ADAM22: variants seen among roughly 807,000 people sequenced by gnomAD.
ADAM22 encodes the protein disintegrin and metalloproteinase domain-containing protein 22.
In ADAM22, 65 loss-of-function variants were observed where a neutral mutation model predicts 144.6. That is an observed-to-expected ratio of 0.45 (90% CI 0.37 to 0.55). The LOEUF is 0.55. ADAM22 is among the 20% of genes least tolerant of loss of function. The probability of loss-of-function intolerance (pLI) is 0.00; values close to 1 mark genes in which losing one functional copy is unlikely to be tolerated. For missense variants in ADAM22, 974 were observed against 1,184.9 expected, an observed-to-expected ratio of 0.82 and a Z score of 2.61; for synonymous variants, 391 against 412.6, an observed-to-expected ratio of 0.95 and a Z score of 0.63.
intron 3 of ADAM22, among the ~76,000 whole-genome samples, chr7:88,015,346 C>T (rs1796327507): frequency 6.6e-6 from 1 of 152,142 alleles, no homozygotes; most frequent in East Asian, 1.9e-4. Context: ...AAATAATTAC[C>T]CCACTTCATG....
intron 4 of ADAM22, among the ~76,000 whole-genome samples, chr7:88,107,638 T>A (rs1488689973): frequency 6.6e-6 from 1 of 152,108 alleles, no homozygotes; most frequent in Non-Finnish European, 1.5e-5. Context: ...CAGGCTGGAG[T>A]GCAGTAGCAC....
In ADAM22 at chr7:88,008,911, T is replaced by G. The variant is rs1322976833; in HGVS notation, c.323+30499T>G. Among the ~76,000 whole-genome samples, 116 of 80,242 alleles carry G rather than the reference T, an allele frequency of 1.4e-3. 1 individual carries two copies. Among genetic ancestry groups the G allele is most frequent in the African/African-American group, 3.9e-3 (106 of 27,172 alleles). 52.6% of individuals were successfully genotyped at this position (80,242 alleles called of 152,430 possible). On this transcript the variant is annotated intron_variant, in intron 3 of 31. Coordinates refer to ENST00000413139, the MANE Select transcript of ADAM22 (RefSeq NM_001324418.2). ...TAAAGTATAATAATAATAATAATAA[T>G]AAAAAGAAAAAAAAGAAAAAAAAAG...
In ADAM22 at chr7:88,128,039, G is replaced by A. The variant is rs1457834735; in HGVS notation, c.679-563G>A. 4.6e-5 allele frequency among the ~76,000 whole-genome samples: 7 copies of A among 151,964 alleles called. No homozygotes were observed. The South Asian group carries it at 1.5e-3, about 32-fold the overall frequency. The stretch of plus-strand genomic sequence containing the variant: ...TAACAAAGACCCCATGTCATTTGGG[G>A]ATCCCCTGAAACGTCCTAGATGAAG... On this transcript the variant is annotated intron_variant, in intron 8 of 31. Transcript: ENST00000413139.
chr7:88,105,508 G>A (rs1824129354), intron 4 of ADAM22, among the ~76,000 whole-genome samples: 1 of 152,136 alleles, frequency 6.6e-6, no homozygotes, highest in Non-Finnish European at 1.5e-5. Flanking sequence ...CTGATCTGTG[G>A]ACTGTTCACC....
At chr7:88,172,046 C>T (rs942945533) in intron 26 of ADAM22, among the ~76,000 whole-genome samples, 2 of 151,770 alleles carry the variant, frequency 1.3e-5, no homozygotes, top group African/African-American at 2.4e-5. Context: ...AATGTTCTAG[C>T]ATTTCGTGAG....
At chr7:88,067,386 A>T (rs1452956674) in intron 3 of ADAM22, among the ~76,000 whole-genome samples, 1 of 150,496 alleles carries the variant, frequency 6.6e-6, no homozygotes, top group African/African-American at 2.5e-5. Context: ...CCTAATGCTA[A>T]CCCTCCCTCC....
rs1017539122 is a variant in ADAM22 at position 88,197,752 on chromosome 7, T to C, written c.*1261T>C. 2.6e-5 allele frequency: 4 copies of C among 152,236 alleles called. No homozygotes were observed. The highest frequency in any genetic ancestry group is 2.0e-4 in the Admixed American group (3 of 15,286). 9.4% of individuals were successfully genotyped at this position (152,236 alleles called of 1,614,324 possible). A position where few individuals can be genotyped will look rare whatever the true frequency, so the allele number is the denominator to read the frequency against. ...GGATGTGAATCCCAACAAGTCATTC[T>C]GCACTGACTCTGAAGCAAGATGACG... On this transcript the variant is annotated 3_prime_UTR_variant, in exon 32 of 32. Transcript: ENST00000413139.
intron 2 of ADAM22, among the ~76,000 whole-genome samples, chr7:87,976,358 A>G (rs1034052032): frequency 6.6e-6 from 1 of 152,206 alleles, no homozygotes; most frequent in African/African-American, 2.4e-5. Flanking sequence ...CTAATCCAAT[A>G]TGACTGGTGT....
chr7:87,987,658 A>G (rs939235302), intron 3 of ADAM22, among the ~76,000 whole-genome samples: 1 of 152,222 alleles, frequency 6.6e-6, no homozygotes, highest in African/African-American at 2.4e-5. Context: ...AAAAGATTCC[A>G]TTTGAATAAT....
At chr7:88,125,701 T>G (rs1369727836) in intron 8 of ADAM22, 42 bp downstream of exon 8, 2 of 1,450,790 alleles carry the variant, frequency 1.4e-6, no homozygotes, top group African/African-American at 2.9e-5. Flanking sequence ...TTAAAACAAT[T>G]GTCAACTGCC....
rs1189970026 is a variant in ADAM22, at chr7:88,153,273, G to A, written c.1734G>A (p.Thr578=). 1.9e-5 allele frequency: 30 copies of A among 1,613,242 alleles called. No homozygotes were observed. The highest frequency in any genetic ancestry group is 4.5e-5 in the East Asian group (2 of 44,844). The change falls in exon 21 of 32, where the codon ACG becomes ACA. Residue 578 remains threonine, a synonymous_variant. Coordinates refer to ENST00000413139, the MANE Select transcript of ADAM22 (RefSeq NM_001324418.2). ...YCYEKLNIEG[T]EKGNCGKDKD... is the part of the protein sequence containing the mutation. Reference sequence around the variant, plus strand: ...ATGAGAAACTGAATATTGAAGGGACGGAGAAGGGTAACTGTGGGAAAGACA... The same window carrying A: ...ATGAGAAACTGAATATTGAAGGGACAGAGAAGGGTAACTGTGGGAAAGACA...
intron 3 of ADAM22, among the ~76,000 whole-genome samples, chr7:88,051,106 T>C (rs111609343): frequency 2.0e-5 from 3 of 152,178 alleles, no homozygotes; most frequent in Non-Finnish European, 2.9e-5. Context: ...GTTGGTGGGA[T>C]TGTAAACTAG....
In ADAM22 at chr7:88,098,507, G is replaced by A. The variant is rs28418776; in HGVS notation, c.391-9669G>A. Among the ~76,000 whole-genome samples, 1,369 of 152,156 alleles carry A rather than the reference G, an allele frequency of 9.0e-3. 23 individuals carry two copies. Among genetic ancestry groups the A allele is most frequent in the African/African-American group, 0.032 (1,309 of 41,506 alleles). On this transcript the variant is annotated intron_variant, in intron 4 of 31. Transcript: ENST00000413139. The stretch of plus-strand genomic sequence containing the variant: ...ACAGAATCTTTTCAGTTGTAATCAA[G>A]TTAAGAGGAAGTCATGCTAGATTAG...
chr7:87,957,999 AT>A (rs1847189599), intron 2 of ADAM22, among the ~76,000 whole-genome samples: 1 of 152,096 alleles, frequency 6.6e-6, no homozygotes, highest in South Asian at 2.1e-4. Context: ...TCAAAATTAA[AT>A]TTTTTGATCT....
intron 14 of ADAM22, among the ~76,000 whole-genome samples, chr7:88,138,122 G>T (rs1833477056): frequency 6.6e-6 from 1 of 152,114 alleles, no homozygotes; most frequent in Admixed American, 6.5e-5. Context: ...GCCACTGAAT[G>T]CCAGCATGAG....
At chr7:88,102,950 C>A (rs992201242) in intron 4 of ADAM22, among the ~76,000 whole-genome samples, 2 of 152,062 alleles carry the variant, frequency 1.3e-5, no homozygotes, top group African/African-American at 4.8e-5. Context: ...TCCAGTAGCA[C>A]GTGTGGGTAT....
At chr7:88,118,653 A>G (rs1385419225) in intron 7 of ADAM22, among the ~76,000 whole-genome samples, 2 of 139,080 alleles carry the variant, frequency 1.4e-5, no homozygotes, top group Non-Finnish European at 3.0e-5. Context: ...CTATCTATCT[A>G]TCTATATATA....
At chr7:88,093,353 T>C (rs1327743570) in intron 4 of ADAM22, among the ~76,000 whole-genome samples, 3 of 152,036 alleles carry the variant, frequency 2.0e-5, no homozygotes, top group African/African-American at 7.2e-5. Context: ...TATTCATTAA[T>C]AAAAATACCT....
At chr7:87,974,253 G>A (rs374379795) in intron 2 of ADAM22, among the ~76,000 whole-genome samples, 19 of 148,924 alleles carry the variant, frequency 1.3e-4, no homozygotes, top group East Asian at 1.2e-3. Flanking sequence ...GCAGTGAGCC[G>A]AGATCGTGCC....
Sources: allele counts gnomAD v4.1 joint callset (sites outside exome capture counted in the v4.1 genomes callset), GRCh38; gene constraint gnomAD v4.1.1; transcripts MANE v1.5; gene names NCBI Gene and HGNC (gene_info 2026-07-23, HGNC 2026-07-21).